Variants in NBAS observed in about 807,000 individuals in gnomAD.
NBAS encodes the protein NBAS subunit of NRZ tethering complex.
In NBAS, 219 loss-of-function variants were observed where a neutral mutation model predicts 302.5. The observed-to-expected ratio is 0.72, with a 90% confidence interval of 0.65 to 0.81. The LOEUF (loss-of-function observed/expected upper bound fraction) is 0.81, where lower values mean the gene tolerates loss of function less well. Among genes scored for constraint, NBAS ranks in the 30% least tolerant of loss-of-function variants. NBAS has a pLI of 0.00. For missense variants in NBAS, 2,932 were observed against 2,841.6 expected, an observed-to-expected ratio of 1.03 and a Z score of -0.72; for synonymous variants, 1,118 against 1,021.6, an observed-to-expected ratio of 1.09 and a Z score of -1.80.
intron 35 of NBAS, among the ~76,000 whole-genome samples, chr2:15,335,514 T>A (rs888848638): frequency 5.2e-4 from 79 of 152,326 alleles, no homozygotes; most frequent in Non-Finnish European, 9.6e-4. Flanking sequence ...TCTTTTTCAT[T>A]TGAGCAATTC....
chr2:15,337,689 G>A (rs1672653413), intron 35 of NBAS, among the ~76,000 whole-genome samples: 1 of 152,130 alleles, frequency 6.6e-6, no homozygotes, highest in South Asian at 2.1e-4. Flanking sequence ...TTCTCCTAAT[G>A]AGAATCATGA....
the NBAS span, among the ~76,000 whole-genome samples, chr2:14,885,601 A>C: frequency 6.6e-6 from 1 of 152,186 alleles, no homozygotes; most frequent in African/African-American, 2.4e-5. Flanking sequence ...GATGGAATTT[A>C]AAGTCCACGG....
chr2:15,555,690 T>C (rs967071379), intron 3 of NBAS, among the ~76,000 whole-genome samples: 1 of 152,180 alleles, frequency 6.6e-6, no homozygotes, highest in Admixed American at 6.5e-5. Flanking sequence ...AATCACTTAA[T>C]GGTGCATTTG....
the NBAS span, among the ~76,000 whole-genome samples, chr2:15,117,013 G>A: frequency 5.3e-3 from 799 of 152,054 alleles, 8 homozygotes; most frequent in African/African-American, 0.019. Flanking sequence ...CTATCTGATA[G>A]TAACAATACC....
At chr2:15,077,873 G>A in the NBAS span, among the ~76,000 whole-genome samples, 6 of 151,736 alleles carry the variant, frequency 4.0e-5, no homozygotes, top group East Asian at 1.9e-4. Flanking sequence ...TAGTAGAGAC[G>A]GGGTTTCACC....
Position 15,237,771 on chromosome 2 carries a change from A to ATTT in NBAS, c.5943+694_5943+696dup, listed in dbSNP as rs765648566. ...GCCACCACACCCGGCTAATGTTTGT[A>ATTT]TTTTTTTTTTTTTTTTTTTTTGAGA... On this transcript the variant is annotated intron_variant, in intron 45 of 51. Coordinates refer to ENST00000281513, the MANE Select transcript of NBAS (RefSeq NM_015909.4). Among the ~76,000 whole-genome samples the ATTT allele has an allele frequency of 1.6e-3, 109 of 66,540 alleles. 4 individuals are homozygous for ATTT. Among genetic ancestry groups the ATTT allele is most frequent in the East Asian group, 8.8e-3 (24 of 2,734 alleles). 43.7% of individuals were successfully genotyped at this position (66,540 alleles called of 152,430 possible). A position where few individuals can be genotyped will look rare whatever the true frequency, so the allele number is the denominator to read the frequency against.
chr2:14,862,155 T>G, the NBAS span, among the ~76,000 whole-genome samples: 1 of 152,114 alleles, frequency 6.6e-6, no homozygotes, highest in African/African-American at 2.4e-5. Context: ...TTTTTTTTTT[T>G]TGAGATGGAG....
intron 11 of NBAS, among the ~76,000 whole-genome samples, chr2:15,489,233 T>C (rs1361053094): frequency 6.6e-6 from 1 of 152,180 alleles, no homozygotes; most frequent in East Asian, 1.9e-4. Context: ...AGTTATAATT[T>C]ACATATAACC....
the NBAS span, among the ~76,000 whole-genome samples, chr2:14,950,915 T>C: frequency 2.6e-5 from 4 of 152,186 alleles, no homozygotes; most frequent in South Asian, 2.1e-4. Flanking sequence ...GTCCCTGTAG[T>C]TCTTGAAGAA....
intron 9 of NBAS, among the ~76,000 whole-genome samples, chr2:15,533,695 TGTGTGTGTGTGTGTGTGTG>T (rs1558418770): frequency 5.8e-4 from 21 of 36,118 alleles, no homozygotes; most frequent in East Asian, 5.8e-3. Context: ...TGTGTGTGTG[TGTGTGTGTGTGTGTGTGTG>T]TGTGTGTGTG....
chr2:15,201,312 T>C (rs1181719166), intron 48 of NBAS, among the ~76,000 whole-genome samples: 2 of 152,226 alleles, frequency 1.3e-5, no homozygotes, highest in Non-Finnish European at 2.9e-5. Context: ...TCAACAGATA[T>C]ACAGAAATAT....
chr2:15,252,967 C>G (rs1432696009), intron 44 of NBAS, among the ~76,000 whole-genome samples: 6 of 152,050 alleles, frequency 3.9e-5, no homozygotes, highest in African/African-American at 1.4e-4. Flanking sequence ...AAAGGCAAGT[C>G]TTTAAAAAGA....
At chr2:14,897,232 AT>A in the NBAS span, among the ~76,000 whole-genome samples, 3 of 151,962 alleles carry the variant, frequency 2.0e-5, no homozygotes, top group Non-Finnish European at 4.4e-5. Context: ...TGCCTTTCTT[AT>A]TTTTGGTGCT....
chr2:15,423,502 A>G (rs1195047743), intron 23 of NBAS, among the ~76,000 whole-genome samples: 1 of 152,210 alleles, frequency 6.6e-6, no homozygotes, highest in Non-Finnish European at 1.5e-5. Context: ...AAATTTTTAA[A>G]AAACTTGTCA....
intron 48 of NBAS, among the ~76,000 whole-genome samples, chr2:15,194,857 C>A (rs79040875): frequency 6.6e-6 from 1 of 152,092 alleles, no homozygotes; most frequent in East Asian, 1.9e-4. Flanking sequence ...ACGATCTAGC[C>A]ACTACAATAA....
chr2:14,859,178 T>C, the NBAS span, among the ~76,000 whole-genome samples: 14 of 149,778 alleles, frequency 9.3e-5, no homozygotes, highest in East Asian at 2.8e-3. Context: ...ATGAAAGGAG[T>C]TGAAGAAGAT....
chr2:14,846,977 AT>A, the NBAS span, among the ~76,000 whole-genome samples: 1 of 152,216 alleles, frequency 6.6e-6, no homozygotes, highest in Non-Finnish European at 1.5e-5. Flanking sequence ...CATTAATAAC[AT>A]TGAATGTAAA....
intron 28 of NBAS, 148 bp downstream of exon 28, chr2:15,394,079 A>C: frequency 1.1e-6 from 1 of 899,860 alleles, no homozygotes; most frequent in Non-Finnish European, 1.6e-6. Flanking sequence ...CTATACACAC[A>C]TATCAAAACT....
intron 44 of NBAS, among the ~76,000 whole-genome samples, chr2:15,248,261 C>A (rs562720942): frequency 1.3e-5 from 2 of 152,256 alleles, no homozygotes; most frequent in South Asian, 2.1e-4. Flanking sequence ...CCAATGAGAA[C>A]AAAGACACAA....
Sources: gnomAD v4.1 joint callset for allele counts (sites outside exome capture counted in the v4.1 genomes callset) on GRCh38, gnomAD v4.1.1 for gene constraint, MANE v1.5 for transcripts, NCBI Gene and HGNC (gene_info 2026-07-23, HGNC 2026-07-21) for gene names.